The following SHISA6 variants were observed in gnomAD, a reference collection of about 807,000 sequenced individuals.
The protein encoded by SHISA6 is shisa family member 6.
A neutral mutation model predicts 47.9 loss-of-function variants in SHISA6; 22 were observed. The observed-to-expected ratio is 0.46, with a 90% confidence interval of 0.33 to 0.66. The LOEUF (loss-of-function observed/expected upper bound fraction) is 0.66. SHISA6 is among the 30% of genes least tolerant of loss of function. SHISA6 has a pLI of 0.02. For synonymous variants in SHISA6, 388 were observed against 337.8 expected (o/e 1.15, Z -1.63); for missense variants, 680 against 764.6 (o/e 0.89, Z 1.30).
At chr17:11,324,047 T>C (rs1483639576) in intron 2 of SHISA6, among the ~76,000 whole-genome samples, 2 of 152,126 alleles carry the variant, frequency 1.3e-5, no homozygotes, top group African/African-American at 2.4e-5. Flanking sequence ...CACCCAGCGG[T>C]ATATGCACCC....
chr17:11,391,185 A>T (rs1373490728), intron 3 of SHISA6, among the ~76,000 whole-genome samples: 1 of 152,014 alleles, frequency 6.6e-6, no homozygotes, highest in Non-Finnish European at 1.5e-5. Flanking sequence ...AGGGTAGAGC[A>T]GAAAAGTCAT....
intron 3 of SHISA6, among the ~76,000 whole-genome samples, chr17:11,464,471 A>G (rs566457022): frequency 8.3e-4 from 127 of 152,228 alleles, no homozygotes; most frequent in Middle Eastern, 3.4e-3. Flanking sequence ...GCACGAAGTG[A>G]AACTGGCCAC....
At chr17:11,265,922 A>G (rs1427273267) in intron 2 of SHISA6, among the ~76,000 whole-genome samples, 4 of 152,280 alleles carry the variant, frequency 2.6e-5, no homozygotes, top group Middle Eastern at 3.4e-3. Flanking sequence ...ATTCACTTCT[A>G]TGTTTCAAGA....
intron 2 of SHISA6, among the ~76,000 whole-genome samples, chr17:11,357,173 G>A (rs1912104492): frequency 8.4e-6 from 1 of 118,848 alleles, no homozygotes; most frequent in Non-Finnish European, 1.6e-5. Flanking sequence ...GGGCGACAGA[G>A]CGAGACTCCG....
At chr17:11,539,230 C>T (rs1026391530) in intron 3 of SHISA6, among the ~76,000 whole-genome samples, 2 of 152,260 alleles carry the variant, frequency 1.3e-5, no homozygotes, top group Non-Finnish European at 2.9e-5. Context: ...GCATGAGCCA[C>T]CACACCCGGC....
At chr17:11,409,364 C>T (rs758484532) in intron 3 of SHISA6, among the ~76,000 whole-genome samples, 1 of 152,154 alleles carries the variant, frequency 6.6e-6, no homozygotes, top group Non-Finnish European at 1.5e-5. Context: ...TCATCAAACT[C>T]AGAAGGAAGC....
At chr17:11,357,306 G>A (rs1220264666) in intron 2 of SHISA6, among the ~76,000 whole-genome samples, 1 of 151,760 alleles carries the variant, frequency 6.6e-6, no homozygotes, top group Non-Finnish European at 1.5e-5. Flanking sequence ...TCATTTTCTG[G>A]AATTATGACT....
At chr17:11,491,864 C>A (rs1022158848) in intron 3 of SHISA6, among the ~76,000 whole-genome samples, 1 of 151,446 alleles carries the variant, frequency 6.6e-6, no homozygotes, top group Non-Finnish European at 1.5e-5. Context: ...CTCCACCTCC[C>A]GAGTTCAAGC....
At position 11,429,665 on chromosome 17, in the gene SHISA6, CCTATAATCCCACCTACTCAGGAGG is replaced by C. The variant is rs1406696429; in HGVS notation, c.895+50159_895+50182del. Among the ~76,000 whole-genome samples the C allele has an allele frequency of 7.3e-5, 11 of 151,350 alleles. No homozygotes were observed. The East Asian group carries it at 2.1e-3, about 29-fold the overall frequency. ...AATTAGCCAGGCATGGTGGCGCATG[CCTATAATCCCACCTACTCAGGAGG>C]CTGAGGAAGGAGAATCGCTTGAACC... On this transcript the variant is annotated intron_variant, in intron 3 of 5. Transcript: ENST00000441885.
At chr17:11,493,515 CT>C in intron 3 of SHISA6, among the ~76,000 whole-genome samples, 1 of 152,384 alleles carries the variant, frequency 6.6e-6, no homozygotes, top group South Asian at 2.1e-4. Context: ...GCATGAGCCA[CT>C]GTGCCAGGCC....
chr17:11,264,854 G>A (rs148816955), intron 2 of SHISA6, among the ~76,000 whole-genome samples: 70 of 152,088 alleles, frequency 4.6e-4, no homozygotes, highest in African/African-American at 1.3e-3. Context: ...CCTAATAAAG[G>A]CAGATGACAC....
In SHISA6 at chr17:11,302,085, C is replaced by T. The variant is rs145138072; in HGVS notation, c.799+38559C>T. On this transcript the variant is annotated intron_variant, in intron 2 of 5. Transcript: ENST00000441885. ...ATTATGAGAATAGCACAGGAAAGAC[C>T]GGCCCCCATGATTCAGTTACCTCCC... Among the ~76,000 whole-genome samples the T allele has an allele frequency of 9.9e-3, 1,506 of 152,252 alleles. 26 individuals are homozygous for T. The highest frequency in any genetic ancestry group is 0.034 in the African/African-American group (1,420 of 41,544).
intron 3 of SHISA6, among the ~76,000 whole-genome samples, chr17:11,438,921 C>T (rs949866314): frequency 1.3e-5 from 2 of 152,072 alleles, no homozygotes; most frequent in African/African-American, 4.8e-5. Flanking sequence ...TATAGCAAGT[C>T]TCAGGGGAGA....
chr17:11,267,270 G>A (rs1369140001), intron 2 of SHISA6, among the ~76,000 whole-genome samples: 1 of 152,202 alleles, frequency 6.6e-6, no homozygotes, highest in Non-Finnish European at 1.5e-5. Flanking sequence ...TACCCAAAGT[G>A]TGGTCCATGG....
chr17:11,409,861 A>C (rs1183949218), intron 3 of SHISA6, among the ~76,000 whole-genome samples: 2 of 152,242 alleles, frequency 1.3e-5, no homozygotes, highest in East Asian at 1.9e-4. Flanking sequence ...CACCACCAAA[A>C]TTTACCTGGT....
intron 2 of SHISA6, 76 bp downstream of exon 2, chr17:11,263,602 C>A: frequency 6.6e-7 from 1 of 1,514,390 alleles, no homozygotes; most frequent in Non-Finnish European, 8.9e-7. Flanking sequence ...TCTGGTGGGG[C>A]AGGTTGTGGA....
chr17:11,478,943 C>T (rs551933754), intron 3 of SHISA6, among the ~76,000 whole-genome samples: 9 of 151,790 alleles, frequency 5.9e-5, no homozygotes, highest in South Asian at 2.1e-4. Flanking sequence ...AGTAGTTTTT[C>T]CCAATTCTGT....
At chr17:11,409,229 C>G (rs971075715) in intron 3 of SHISA6, among the ~76,000 whole-genome samples, 2 of 152,180 alleles carry the variant, frequency 1.3e-5, no homozygotes, top group Non-Finnish European at 2.9e-5. Context: ...TTAAGTCAGA[C>G]AGTAACTAAC....
chr17:11,464,071 T>A (rs1915753911), intron 3 of SHISA6, among the ~76,000 whole-genome samples: 1 of 152,052 alleles, frequency 6.6e-6, no homozygotes, highest in African/African-American at 2.4e-5. Context: ...TGTGTGCCAC[T>A]ATGCCTGGCT....
Sources: allele counts gnomAD v4.1 joint callset (sites outside exome capture counted in the v4.1 genomes callset), GRCh38; gene constraint gnomAD v4.1.1; transcripts MANE v1.5; gene names NCBI Gene and HGNC (gene_info 2026-07-23, HGNC 2026-07-21).